The following PCAT7 variants were observed in gnomAD, a reference collection of about 807,000 sequenced individuals.
PCAT7 encodes the protein prostate cancer associated transcript 7 (non-protein coding).
intron 2 of PCAT7, among the ~76,000 whole-genome samples, chr9:94,560,168 G>A (rs989980114): frequency 2.0e-5 from 3 of 152,136 alleles, no homozygotes; most frequent in African/African-American, 7.2e-5. Flanking sequence ...TTTCCTGCAC[G>A]AGGGGTCCCA....
At chr9:94,565,793 A>AGATAGATGATG (rs370309629) in intron 2 of PCAT7, among the ~76,000 whole-genome samples, 24 of 128,032 alleles carry the variant, frequency 1.9e-4, no homozygotes, top group African/African-American at 9.1e-4. Context: ...GATAGATGAT[A>AGATAGATGATG]GATAGGTGAG....
At chr9:94,559,220 C>T in intron 2 of PCAT7, 2 of 1,193,212 alleles carry the variant, frequency 1.7e-6, no homozygotes, top group South Asian at 1.4e-5. Flanking sequence ...GGAGTTTGTA[C>T]TGCGGTGCTT....
chr9:94,561,826 T>TA (rs774830441), intron 2 of PCAT7, among the ~76,000 whole-genome samples: 4 of 152,090 alleles, frequency 2.6e-5, no homozygotes, highest in Admixed American at 1.3e-4. Flanking sequence ...CAACAGAACT[T>TA]TCAGTATGGG....
At chr9:94,559,442 A>G (rs554514053) in intron 2 of PCAT7, among the ~76,000 whole-genome samples, 2 of 152,260 alleles carry the variant, frequency 1.3e-5, no homozygotes, top group South Asian at 2.1e-4. Context: ...CTAGGCATCT[A>G]TTTCTTGGTT....
chr9:94,563,245 C>T, intron 2 of PCAT7: 1 of 1,369,026 alleles, frequency 7.3e-7, no homozygotes. Flanking sequence ...CACAGACATG[C>T]CATGAAGCAG....
chr9:94,566,349 G>A (rs758168204), intron 2 of PCAT7, among the ~76,000 whole-genome samples: 1 of 152,216 alleles, frequency 6.6e-6, no homozygotes, highest in Admixed American at 6.5e-5. Context: ...GCCCGCCCAG[G>A]GTGGAAAACC....
intron 2 of PCAT7, among the ~76,000 whole-genome samples, chr9:94,564,583 T>C (rs1827158471): frequency 6.6e-6 from 1 of 152,156 alleles, no homozygotes; most frequent in Non-Finnish European, 1.5e-5. Flanking sequence ...TGCCACATGT[T>C]CTCACTTATA....
chr9:94,573,949 T>C (rs1481547802), intron 3 of PCAT7, among the ~76,000 whole-genome samples: 3 of 152,242 alleles, frequency 2.0e-5, no homozygotes, highest in Non-Finnish European at 4.4e-5. Context: ...ATTTCTTTTC[T>C]TGGGCATGAG....
intron 3 of PCAT7, among the ~76,000 whole-genome samples, chr9:94,574,382 CTTTTG>C (rs1366320025): frequency 2.0e-5 from 3 of 152,068 alleles, no homozygotes; most frequent in South Asian, 2.1e-4. Context: ...AATGACATCT[CTTTTG>C]TTTTAACTTC....
intron 2 of PCAT7, among the ~76,000 whole-genome samples, chr9:94,561,728 A>G (rs1383027480): frequency 6.6e-6 from 1 of 152,206 alleles, no homozygotes; most frequent in Non-Finnish European, 1.5e-5. Flanking sequence ...CACACAGGAT[A>G]GGAGTGTGCA....
intron 2 of PCAT7, chr9:94,559,261 C>A: frequency 1.3e-6 from 1 of 744,996 alleles, no homozygotes; most frequent in South Asian, 1.9e-5. Flanking sequence ...CACCATGCAC[C>A]TTGCAAGAGT....
chr9:94,573,102 A>G (rs1827285415), intron 3 of PCAT7: 1 of 152,154 alleles, frequency 6.6e-6, no homozygotes, highest in Non-Finnish European at 1.5e-5. Flanking sequence ...AACTTTCAGG[A>G]TTACATATGT....
intron 2 of PCAT7, among the ~76,000 whole-genome samples, chr9:94,562,120 G>C (rs561543444): frequency 4.0e-5 from 6 of 151,824 alleles, no homozygotes; most frequent in Non-Finnish European, 5.9e-5. Context: ...GACCATCCTG[G>C]CTAACATGGT....
chr9:94,565,782 A>C (rs1466239926), intron 2 of PCAT7, among the ~76,000 whole-genome samples: 1 of 132,364 alleles, frequency 7.6e-6, no homozygotes. Context: ...ATAGATAGAT[A>C]GATAGATGAT....
At chr9:94,571,375 A>G in intron 2 of PCAT7, 1 of 1,346,102 alleles carries the variant, frequency 7.4e-7, no homozygotes, top group Non-Finnish European at 1.0e-6. Context: ...ATTAGGAATA[A>G]CCAGGACATT....
chr9:94,572,897 G>A (rs1827283823), intron 2 of PCAT7: 1 of 152,092 alleles, frequency 6.6e-6, no homozygotes, highest in Non-Finnish European at 1.5e-5. Flanking sequence ...TAGAAATCTA[G>A]TTGATTTTGT....
intron 2 of PCAT7, chr9:94,563,357 C>T (rs745941004): frequency 2.5e-6 from 4 of 1,614,124 alleles, no homozygotes; most frequent in African/African-American, 1.3e-5. Flanking sequence ...CCTTAGGGCT[C>T]TTCTGGTTGG....
chr9:94,555,499 T>G, intron 1 of PCAT7, among the ~76,000 whole-genome samples: 4 of 133,706 alleles, frequency 3.0e-5, no homozygotes, highest in Non-Finnish European at 3.2e-5. Flanking sequence ...GGAAGGAAGG[T>G]TTTGCAGAAA....
At chr9:94,562,104 G>A (rs1827115037) in intron 2 of PCAT7, among the ~76,000 whole-genome samples, 1 of 152,012 alleles carries the variant, frequency 6.6e-6, no homozygotes, top group Non-Finnish European at 1.5e-5. Context: ...GAGGTCAGGA[G>A]ATCGAGACCA....
Sources: allele counts gnomAD v4.1 joint callset (sites outside exome capture counted in the v4.1 genomes callset), GRCh38; gene constraint gnomAD v4.1.1; transcripts MANE v1.5; gene names NCBI Gene and HGNC (gene_info 2026-07-23, HGNC 2026-07-21).